PRDM15: variants seen among roughly 807,000 people sequenced by gnomAD.
The protein encoded by PRDM15 is PR/SET domain 15, also known as PR domain zinc finger protein 15.
A neutral mutation model predicts 128.6 loss-of-function variants in PRDM15; 64 were observed. That is an observed-to-expected ratio of 0.50 (90% confidence interval 0.41 to 0.61). The LOEUF (loss-of-function observed/expected upper bound fraction) is 0.61, where lower values mean the gene tolerates loss of function less well. Among genes scored for constraint, PRDM15 ranks in the 20% least tolerant of loss-of-function variants. The pLI is 0.00. For synonymous variants in PRDM15, 615 were observed against 621.8 expected, an observed-to-expected ratio of 0.99 and a Z score of 0.16; for missense variants, 1,242 against 1,569.1, an observed-to-expected ratio of 0.79 and a Z score of 3.52.
At chr21:41,858,220 T>C (rs1009670617) in intron 3 of PRDM15, among the ~76,000 whole-genome samples, 4 of 152,198 alleles carry the variant, frequency 2.6e-5, no homozygotes, top group African/African-American at 7.2e-5. Flanking sequence ...TGTCAAGGAC[T>C]GGGGTCTGGG....
At chr21:41,813,248 C>T (rs62216231) in intron 19 of PRDM15, 12,627 of 152,354 alleles carry the variant, frequency 0.083, 725 homozygotes, top group Non-Finnish European at 0.13. Context: ...CACAGCCCAG[C>T]GAGTTGGTGG....
Position 41,854,518 on chromosome 21 carries a change from G to A in PRDM15, c.538+48C>T, listed in dbSNP as rs369747207. On this transcript the variant is annotated intron_variant, in intron 5 of 23. Transcript: ENST00000398548. This position sits in a 1 kb window ranked among gnomAD's most constrained non-coding sequence, Gnocchi z 4.6. ...AGAGCCAAGGGACCATAACCCCTTC[G>A]GCGAGGCACAAGGGAAGGTGGGCTC... 9.5e-5 allele frequency: 152 copies of A among 1,603,582 alleles called. 3 individuals carry two copies. In the South Asian group the frequency reaches 1.3e-3, roughly 14 times the overall value.
chr21:41,854,639 G>A lies in PRDM15; in HGVS notation c.465C>T (p.Arg155=), dbSNP rs745858737. 38 of 1,613,650 alleles carry A rather than the reference G, an allele frequency of 2.4e-5. No homozygotes were observed. The highest frequency in any genetic ancestry group is 1.6e-4 in the African/African-American group (12 of 74,950). Reference sequence around the variant, plus strand: ...TGGCATAGAAGGCCGCATACCACACGCGCAGCTCGGTACCCGGGGGGATGT... The same window carrying A: ...TGGCATAGAAGGCCGCATACCACACACGCAGCTCGGTACCCGGGGGGATGT... ...SRDIPPGTEL[R]VWYAAFYAKK... The change falls in exon 5 of 24, where the codon CGC becomes CGT. Residue 155 remains arginine (R), a synonymous_variant. Coordinates refer to ENST00000398548, the MANE Select transcript of PRDM15 (RefSeq NM_001040424.3). The surrounding 1 kb of genome is among the most constrained non-coding windows in gnomAD (Gnocchi z 4.6).
chr21:41,815,075 G>A (rs1297179265), intron 19 of PRDM15: 6 of 155,080 alleles, frequency 3.9e-5, no homozygotes, highest in Admixed American at 1.9e-4. Context: ...TTGGCCTTGT[G>A]TTAGAGATGG....
intron 1 of PRDM15, chr21:41,863,213 C>T (rs2063884801): frequency 6.6e-6 from 1 of 151,742 alleles, no homozygotes; most frequent in Non-Finnish European, 1.5e-5. Flanking sequence ...CTATCTCAAC[C>T]ACCAATCCTG....
rs942749659 is a variant in PRDM15 at position 41,799,953 on chromosome 21, T to C, written c.*1287A>G. On this transcript the variant is annotated 3_prime_UTR_variant, in exon 24 of 24. Coordinates refer to ENST00000398548, the MANE Select transcript of PRDM15 (RefSeq NM_001040424.3). ...CCCTGGCCCCTGCCCCCGAAACTGG[T>C]ACACAGACGTGACAGCACGTGTCCC... 2 of 152,218 alleles carry C rather than the reference T, an allele frequency of 1.3e-5. No homozygotes were observed. The highest frequency in any genetic ancestry group is 4.8e-5 in the African/African-American group (2 of 41,462). The allele number at this position is 152,218 out of a possible 1,614,324, so 9.4% of individuals were successfully genotyped here.
rs1457749385 is a variant in PRDM15, at chr21:41,862,609, A to G, written c.-9-2237T>C. Reference sequence around the variant, plus strand: ...GGCAATAAGGGTCCCGATTAGCAGCATCTGGTCCCCAAAATGAGGCCTCTC... The same window carrying G: ...GGCAATAAGGGTCCCGATTAGCAGCGTCTGGTCCCCAAAATGAGGCCTCTC... On this transcript the variant is annotated intron_variant, in intron 1 of 23. Coordinates refer to ENST00000398548, the MANE Select transcript of PRDM15 (RefSeq NM_001040424.3). The surrounding 1 kb of genome is among the most constrained non-coding windows in gnomAD (Gnocchi z 4.1). 1.3e-5 allele frequency among the ~76,000 whole-genome samples: 2 copies of G among 152,172 alleles called. No individual in the cohort carries two copies. Among genetic ancestry groups the G allele is most frequent in the African/African-American group, 4.8e-5 (2 of 41,450 alleles).
intron 1 of PRDM15, among the ~76,000 whole-genome samples, chr21:41,860,612 G>A (rs567719727): frequency 1.3e-5 from 2 of 152,158 alleles, no homozygotes; most frequent in South Asian, 2.1e-4. Flanking sequence ...TAGCAGAGAC[G>A]GGGTTTCACC....
chr21:41,814,062 T>C lies in PRDM15; in HGVS notation c.2392+1643A>G, dbSNP rs572238090. On this transcript the variant is annotated intron_variant, in intron 19 of 23. Coordinates refer to ENST00000398548, the MANE Select transcript of PRDM15 (RefSeq NM_001040424.3). The stretch of plus-strand genomic sequence containing the variant: ...TTAGTGATTGCGCAGGGTGCTCTAG[T>C]GTGTTATGAGAATGCCTCGTGTTAG... 5 of 147,548 alleles carry C rather than the reference T, an allele frequency of 3.4e-5. No homozygotes were observed. The East Asian group carries it at 6.2e-4, about 18-fold the overall frequency. The allele number at this position is 147,548 out of a possible 1,614,324, so 9.1% of individuals were successfully genotyped here.
chr21:41,806,003 CCATCACCACCACCAT>C (rs1568879549), intron 21 of PRDM15, among the ~76,000 whole-genome samples: 17 of 92,308 alleles, frequency 1.8e-4, no homozygotes, highest in African/African-American at 5.0e-4. Context: ...ACCACCACCA[CCATCACCACCACCAT>C]CACCACCACC....
intron 1 of PRDM15, among the ~76,000 whole-genome samples, chr21:41,863,040 G>T (rs182722443): frequency 2.6e-5 from 4 of 152,082 alleles, no homozygotes; most frequent in African/African-American, 9.6e-5. Context: ...GCGGTGGCAC[G>T]TGCCTGTAAT....
chr21:41,836,396 C>G, intron 9 of PRDM15, 72 bp downstream of exon 9: 1 of 1,487,792 alleles, frequency 6.7e-7, no homozygotes, highest in Non-Finnish European at 9.2e-7. Context: ...GGGGAGACTC[C>G]GTGCTGTCCT....
At chr21:41,824,316 G>A (rs540150945) in intron 13 of PRDM15, among the ~76,000 whole-genome samples, 29 of 152,330 alleles carry the variant, frequency 1.9e-4, no homozygotes, top group African/African-American at 6.7e-4. Context: ...GGGATGCTAG[G>A]TGGGGCAATG....
rs187610246 is a variant in PRDM15, at chr21:41,808,108, T to C, written c.2652+2046A>G. On this transcript the variant is annotated intron_variant, in intron 21 of 23. Coordinates refer to ENST00000398548, the MANE Select transcript of PRDM15 (RefSeq NM_001040424.3). ...AAGTGATGTGCACCGTCTTTATCAATACGCGGAAGTCTAGAAACCCACACG... is the reference window on the plus strand; with the variant it reads ...AAGTGATGTGCACCGTCTTTATCAACACGCGGAAGTCTAGAAACCCACACG... Among the ~76,000 whole-genome samples, 33 of 152,314 alleles carry C rather than the reference T, an allele frequency of 2.2e-4. No individual in the cohort carries two copies. In the East Asian group the frequency reaches 6.4e-3, roughly 29 times the overall value.
At chr21:41,876,338 C>T (rs759127183) in intron 1 of PRDM15, among the ~76,000 whole-genome samples, 11 of 152,302 alleles carry the variant, frequency 7.2e-5, no homozygotes, top group East Asian at 3.9e-4. Flanking sequence ...TCTAGAAATG[C>T]GAGCACAGAG....
At chr21:41,808,726 T>TA (rs2061760111) in intron 21 of PRDM15, among the ~76,000 whole-genome samples, 1 of 147,470 alleles carries the variant, frequency 6.8e-6, no homozygotes, top group Non-Finnish European at 1.5e-5. Context: ...TATACACACA[T>TA]TATATATGTG....
rs1275335510 is a variant in PRDM15, at chr21:41,832,890, C to T, written c.1366+2547G>A. Among the ~76,000 whole-genome samples, 1 of 152,222 alleles carries T rather than the reference C, an allele frequency of 6.6e-6. No individual in the cohort carries two copies. Among genetic ancestry groups the T allele is most frequent in the Non-Finnish European group, 1.5e-5 (1 of 68,040 alleles). On this transcript the variant is annotated intron_variant, in intron 11 of 23. Transcript: ENST00000398548. This position sits in a 1 kb window ranked among gnomAD's most constrained non-coding sequence, Gnocchi z 4.2. ...GCCACTCCCCAGCTGTCCCGGACAACTCTGCCAAGCCGAGGGTGGCTTCTC... is the reference window on the plus strand; with the variant it reads ...GCCACTCCCCAGCTGTCCCGGACAATTCTGCCAAGCCGAGGGTGGCTTCTC...
intron 5 of PRDM15, among the ~76,000 whole-genome samples, 170 bp from the exon 6 acceptor site, chr21:41,847,361 T>C (rs1362074925): frequency 6.6e-6 from 1 of 152,166 alleles, no homozygotes; most frequent in Non-Finnish European, 1.5e-5. Flanking sequence ...TTCAGAGCTT[T>C]ACACACATGG....
rs755984946 is a variant in PRDM15, at chr21:41,820,149, C to T, written c.2086G>A (p.Gly696Arg). 3.7e-6 allele frequency: 6 copies of T among 1,613,730 alleles called. No homozygotes were observed. In the Admixed American group the frequency reaches 5.0e-5, roughly 13 times the overall value. ...TTCCCGATGCTGTTGAAGATCCGCC[C>T]GCAGATCTCGCAGGGGTGGATGTAC... ...QKYIHPCEIC[G>R]RIFNSIGNLE... Residue 696 changes from glycine (G) to arginine (R), a missense_variant, in exon 17 of 24, where the codon GGG (glycine) becomes AGG (arginine). Physicochemically the swap from Gly to Arg is moderately radical, Grantham distance 125. Transcript: ENST00000398548.
Sources: allele counts gnomAD v4.1 joint callset (sites outside exome capture counted in the v4.1 genomes callset), GRCh38; gene constraint gnomAD v4.1.1; non-coding constraint Gnocchi (gnomAD v3.1); transcripts MANE v1.5; gene names NCBI Gene and HGNC (gene_info 2026-07-23, HGNC 2026-07-21).